IGSF11: variants seen among roughly 807,000 people sequenced by gnomAD.
IGSF11 encodes CXADR like 1.
A neutral mutation model predicts 41.0 loss-of-function variants in IGSF11; 22 were observed. The observed-to-expected ratio is 0.54, with a 90% CI of 0.38 to 0.77. The LOEUF (loss-of-function observed/expected upper bound fraction) is 0.77. Ranked by LOEUF, IGSF11 falls within the 30% of genes least tolerant of loss-of-function variation. The pLI, the probability that IGSF11 is intolerant of heterozygous loss-of-function variation, is 0.00. For synonymous variants in IGSF11, 219 were observed against 201.3 expected (o/e 1.09, Z -0.74); for missense variants, 444 against 530.8 (o/e 0.84, Z 1.61).
intron 1 of IGSF11, among the ~76,000 whole-genome samples, chr3:119,111,130 G>C (rs2077150237): frequency 6.6e-6 from 1 of 152,088 alleles, no homozygotes; most frequent in Non-Finnish European, 1.5e-5. Flanking sequence ...GTATCTGAAT[G>C]TTGGCCTGCC....
intron 1 of IGSF11, among the ~76,000 whole-genome samples, chr3:119,009,356 T>C (rs1937815974): frequency 6.6e-6 from 1 of 152,226 alleles, no homozygotes; most frequent in South Asian, 2.1e-4. Flanking sequence ...ACCCAAATCT[T>C]ACCTAGAATT....
chr3:119,116,980 C>T (rs1010063542), intron 1 of IGSF11, among the ~76,000 whole-genome samples: 1 of 152,018 alleles, frequency 6.6e-6, no homozygotes, highest in Non-Finnish European at 1.5e-5. Flanking sequence ...ACCTGGCCAC[C>T]CCCACCCCTT....
chr3:119,065,902 T>C (rs1168204108), intron 1 of IGSF11, among the ~76,000 whole-genome samples: 1 of 152,092 alleles, frequency 6.6e-6, no homozygotes, highest in Non-Finnish European at 1.5e-5. Flanking sequence ...CTTAGAAGAA[T>C]TTACCTGTGT....
In IGSF11 at chr3:119,030,311, T is replaced by A. The variant is rs1423531788; in HGVS notation, c.52+4220A>T. ...ACTTATCAAAATATGATTCTTTCTGTAATATATGAGTGAGGCAGACCCATA... is the reference window on the plus strand; with the variant it reads ...ACTTATCAAAATATGATTCTTTCTGAAATATATGAGTGAGGCAGACCCATA... On this transcript the variant is annotated intron_variant, in intron 1 of 6. Transcript: ENST00000393775. 2.0e-5 allele frequency among the ~76,000 whole-genome samples: 3 copies of A among 152,194 alleles called. No homozygotes were observed. In the East Asian group the frequency reaches 5.8e-4, roughly 29 times the overall value.
chr3:119,043,619 C>CA (rs1021534158), intron 1 of IGSF11, among the ~76,000 whole-genome samples: 2 of 152,112 alleles, frequency 1.3e-5, no homozygotes, highest in Non-Finnish European at 2.9e-5. Flanking sequence ...AACTTGGTTG[C>CA]AAAAAACTGC....
chr3:118,918,285 A>G (rs377531450), intron 4 of IGSF11, among the ~76,000 whole-genome samples: 2 of 110,232 alleles, frequency 1.8e-5, no homozygotes, highest in African/African-American at 5.1e-5. Context: ...AGGAAATAAA[A>G]GGTATTCAAT....
At chr3:118,954,318 T>C (rs1240434357) in intron 1 of IGSF11, among the ~76,000 whole-genome samples, 1 of 152,212 alleles carries the variant, frequency 6.6e-6, no homozygotes, top group East Asian at 1.9e-4. Context: ...CCTTATAGTG[T>C]AGTTTGAAGT....
At chr3:119,019,504 C>T (rs1198624520) in intron 1 of IGSF11, among the ~76,000 whole-genome samples, 1 of 151,482 alleles carries the variant, frequency 6.6e-6, no homozygotes, top group East Asian at 1.9e-4. Context: ...TTTTCAACAG[C>T]TCAGAGAAAC....
intron 1 of IGSF11, among the ~76,000 whole-genome samples, chr3:119,095,231 C>A (rs2076831156): frequency 6.6e-6 from 1 of 151,772 alleles, no homozygotes; most frequent in Admixed American, 6.6e-5. Flanking sequence ...TTGTTAATAC[C>A]CTCTCCACAC....
At chr3:119,106,257 T>A (rs1576804677), upstream of IGSF11, among the ~76,000 whole-genome samples, 2 of 152,360 alleles carry the variant, frequency 1.3e-5, no homozygotes, top group African/African-American at 4.8e-5. Context: ...ATTAAATTGT[T>A]ATTGACTATA....
intron 1 of IGSF11, among the ~76,000 whole-genome samples, chr3:119,015,920 T>G (rs1423317426): frequency 6.6e-6 from 1 of 152,052 alleles, no homozygotes; most frequent in African/African-American, 2.4e-5. Context: ...GATTCAAAGG[T>G]TAAACAATAC....
At chr3:119,088,165 C>G (rs554638507) in intron 1 of IGSF11, among the ~76,000 whole-genome samples, 1 of 151,872 alleles carries the variant, frequency 6.6e-6, no homozygotes, top group South Asian at 2.1e-4. Flanking sequence ...TTGACACATG[C>G]TCAGTCATAA....
chr3:119,124,598 A>G (rs1051042925), intron 1 of IGSF11, among the ~76,000 whole-genome samples: 2 of 151,904 alleles, frequency 1.3e-5, no homozygotes, highest in African/African-American at 4.8e-5. Flanking sequence ...AAGACAGACT[A>G]TTTGAAAATA....
chr3:118,927,975 T>C (rs932389164), intron 3 of IGSF11, among the ~76,000 whole-genome samples: 10 of 152,222 alleles, frequency 6.6e-5, no homozygotes, highest in African/African-American at 2.4e-4. Flanking sequence ...TAAATCTATT[T>C]GGTCTCAGTA....
chr3:119,035,266 G>C (rs990222819), upstream of IGSF11, among the ~76,000 whole-genome samples: 2 of 152,180 alleles, frequency 1.3e-5, no homozygotes, highest in Non-Finnish European at 2.9e-5. Context: ...ATTTATATTT[G>C]GCTTTTTCAC....
intron 1 of IGSF11, among the ~76,000 whole-genome samples, chr3:119,094,405 T>C (rs1446900050): frequency 2.0e-5 from 3 of 151,658 alleles, no homozygotes; most frequent in South Asian, 2.1e-4. Flanking sequence ...AGAAAACCTG[T>C]ATGGTATTAG....
Position 118,909,671 on chromosome 3 carries a change from A to T in IGSF11, c.581-3953T>A, listed in dbSNP as rs887068824. Reference sequence around the variant, plus strand: ...ACCGTCCAGATGGATGTTAGGATACATCCTGCTTCACAGCAGCTCAGTGCC... The same window carrying T: ...ACCGTCCAGATGGATGTTAGGATACTTCCTGCTTCACAGCAGCTCAGTGCC... On this transcript the variant is annotated intron_variant, in intron 4 of 6. Transcript: ENST00000393775. Among the ~76,000 whole-genome samples the T allele has an allele frequency of 8.5e-5, 13 of 152,380 alleles. No homozygotes were observed. In the South Asian group the frequency reaches 1.9e-3, roughly 22 times the overall value.
chr3:119,049,685 T>G (rs1001997126), intron 1 of IGSF11, among the ~76,000 whole-genome samples: 1 of 152,202 alleles, frequency 6.6e-6, no homozygotes, highest in Non-Finnish European at 1.5e-5. Flanking sequence ...GAGCCCTCAT[T>G]GACAAGTCAA....
At chr3:118,979,897 A>G (rs968109112) in intron 1 of IGSF11, among the ~76,000 whole-genome samples, 1 of 152,246 alleles carries the variant, frequency 6.6e-6, no homozygotes, top group South Asian at 2.1e-4. Context: ...AATGGCCAAC[A>G]GGTATACAGA....
Sources: allele counts gnomAD v4.1 joint callset (sites outside exome capture counted in the v4.1 genomes callset), GRCh38; gene constraint gnomAD v4.1.1; transcripts MANE v1.5; gene names NCBI Gene and HGNC (gene_info 2026-07-23, HGNC 2026-07-21).